SDK1: variants seen among roughly 807,000 people sequenced by gnomAD.
The protein encoded by SDK1 is protein sidekick-1.
Under a neutral mutation model 245.5 loss-of-function variants are expected in SDK1, and 157 were observed. The ratio of observed to expected loss-of-function variants is 0.64; its 90% CI spans 0.56 to 0.73. The LOEUF is 0.73. SDK1 is among the 30% of genes least tolerant of loss of function. The pLI is 0.00. For missense variants in SDK1, 3,583 were observed against 3,002.3 expected (o/e 1.19, Z -4.52); for synonymous variants, 1,647 against 1,278.5 (o/e 1.29, Z -6.15).
chr7:3,578,877 A>G (rs1181625392), intron 1 of SDK1, among the ~76,000 whole-genome samples: 1 of 151,892 alleles, frequency 6.6e-6, no homozygotes, highest in African/African-American at 2.4e-5. Flanking sequence ...CAATCATTTT[A>G]TACAGTTAAC....
At position 4,074,916 on chromosome 7, in the gene SDK1, A is replaced by ATATATAT. The variant is rs1434239449; in HGVS notation, c.3011-2081_3011-2080insATATATT. Among the ~76,000 whole-genome samples, 5 of 64,604 alleles carry ATATATAT rather than the reference A, an allele frequency of 7.7e-5. 1 individual carries two copies. Among genetic ancestry groups the ATATATAT allele is most frequent in the South Asian group, 5.9e-4 (1 of 1,686 alleles). The allele number at this position is 64,604 out of a possible 152,430, so 42.4% of individuals were successfully genotyped here. A position where few individuals can be genotyped will look rare whatever the true frequency, so the allele number is the denominator to read the frequency against. ...TATATATATATATATATATATATAT[A>ATATATAT]TTTTTTTTTTTTTTTAATAAAGTTA... On this transcript the variant is annotated intron_variant, in intron 20 of 44. Coordinates refer to ENST00000404826, the MANE Select transcript of SDK1 (RefSeq NM_152744.4).
intron 1 of SDK1, among the ~76,000 whole-genome samples, chr7:3,306,559 C>T (rs956952516): frequency 2.6e-5 from 4 of 152,150 alleles, no homozygotes; most frequent in African/African-American, 9.7e-5. Flanking sequence ...TTTATGTAAA[C>T]AGTTAAGTTT....
intron 1 of SDK1, among the ~76,000 whole-genome samples, chr7:3,473,033 CCAT>C (rs1781232789): frequency 6.6e-6 from 1 of 152,174 alleles, no homozygotes; most frequent in Admixed American, 6.5e-5. Context: ...TCTTCTTCCG[CCAT>C]CATCATCAGC....
At chr7:3,626,383 A>C (rs1782122210) in intron 2 of SDK1, among the ~76,000 whole-genome samples, 1 of 152,248 alleles carries the variant, frequency 6.6e-6, no homozygotes, top group Non-Finnish European at 1.5e-5. Flanking sequence ...TCTAACAAGG[A>C]CTTTATTCAA....
At chr7:3,568,537 C>T (rs1320107924) in intron 1 of SDK1, among the ~76,000 whole-genome samples, 2 of 152,164 alleles carry the variant, frequency 1.3e-5, no homozygotes, top group East Asian at 1.9e-4. Context: ...TCCCTCCTTC[C>T]CCCTTGGTAT....
intron 4 of SDK1, among the ~76,000 whole-genome samples, chr7:3,680,277 G>A (rs755885925): frequency 9.2e-5 from 14 of 152,160 alleles, no homozygotes; most frequent in Non-Finnish European, 1.3e-4. Context: ...ATTAATGGTC[G>A]CAGGGAGTTA....
At chr7:4,177,189 C>G (rs79626101) in intron 34 of SDK1, among the ~76,000 whole-genome samples, 1 of 152,276 alleles carries the variant, frequency 6.6e-6, no homozygotes, top group East Asian at 1.9e-4. Context: ...CGTCCAAGGA[C>G]GGGCGCCTGA....
intron 20 of SDK1, among the ~76,000 whole-genome samples, chr7:4,071,888 A>T (rs1230109227): frequency 1.3e-5 from 2 of 152,212 alleles, no homozygotes; most frequent in Non-Finnish European, 2.9e-5. Flanking sequence ...TCCTTGGTAG[A>T]TGTGTGTACA....
intron 1 of SDK1, among the ~76,000 whole-genome samples, chr7:3,561,570 G>A (rs1041269517): frequency 6.6e-6 from 1 of 152,138 alleles, no homozygotes; most frequent in African/African-American, 2.4e-5. Flanking sequence ...TGGTAGTTAC[G>A]GGTCAGGTGT....
At position 3,558,345 on chromosome 7, in the gene SDK1, C is replaced by A. The variant is rs552220345; in HGVS notation, c.299-60735C>A. Among the ~76,000 whole-genome samples the A allele has an allele frequency of 6.6e-5, 10 of 152,338 alleles. No homozygotes were observed. The South Asian group carries it at 2.1e-3, about 32-fold the overall frequency. The stretch of plus-strand genomic sequence containing the variant: ...TTATTTCCATCTCATACTTTCTTCT[C>A]CCTGGATTTTGGCACATACTGCCTG... On this transcript the variant is annotated intron_variant, in intron 1 of 44. Coordinates refer to ENST00000404826, the MANE Select transcript of SDK1 (RefSeq NM_152744.4).
intron 1 of SDK1, among the ~76,000 whole-genome samples, chr7:3,568,363 C>CT (rs1420543902): frequency 6.6e-6 from 1 of 152,152 alleles, no homozygotes; most frequent in Non-Finnish European, 1.5e-5. Context: ...TCCCACTGCT[C>CT]TTTTTCCCTC....
At chr7:3,772,664 A>C (rs1181940533) in intron 4 of SDK1, among the ~76,000 whole-genome samples, 1 of 152,182 alleles carries the variant, frequency 6.6e-6, no homozygotes, top group Non-Finnish European at 1.5e-5. Context: ...ACCTTTACTG[A>C]AATCTTTATT....
chr7:3,951,958 C>T (rs1489118742), intron 7 of SDK1, 38 bp downstream of exon 7: 1 of 1,562,324 alleles, frequency 6.4e-7, no homozygotes, highest in Non-Finnish European at 8.7e-7. Flanking sequence ...GCCAGCATCT[C>T]AGATAGCATC....
chr7:4,050,358 C>G (rs1789359202), intron 18 of SDK1, among the ~76,000 whole-genome samples: 1 of 152,176 alleles, frequency 6.6e-6, no homozygotes, highest in South Asian at 2.1e-4. Flanking sequence ...CAGAAGTATC[C>G]AAAGCCAGAA....
intron 5 of SDK1, among the ~76,000 whole-genome samples, chr7:3,826,152 A>G (rs568568915): frequency 1.2e-4 from 19 of 152,330 alleles, no homozygotes; most frequent in African/African-American, 3.8e-4. Context: ...AGTCTAGGCC[A>G]TGGTCCCTAA....
rs981320763 is a variant in SDK1, at chr7:4,265,379, G to C, written c.6637G>C (p.Val2213Leu). 5 of 1,436,074 alleles carry C rather than the reference G, an allele frequency of 3.5e-6. No individual in the cohort carries two copies. The highest frequency in any genetic ancestry group is 4.5e-6 in the Non-Finnish European group (5 of 1,106,734). The allele number at this position is 1,436,074 out of a possible 1,614,324, so 89.0% of individuals were successfully genotyped here. ...TCCGCTCACCGGCTTCTCCTCCTTC[G>C]TGTGAGCAAAGCGCCGCGCCTCCCT... ...RTPLTGFSSF[V>L] Residue 2213 changes from valine to leucine, a missense_variant, in exon 45 of 45, where the codon GTG (valine) becomes CTG (leucine). Val to Leu is a conservative substitution (Grantham distance 32). Transcript: ENST00000404826.
chr7:3,463,416 G>A (rs1001635417), intron 1 of SDK1, among the ~76,000 whole-genome samples: 5 of 152,234 alleles, frequency 3.3e-5, no homozygotes, highest in East Asian at 3.9e-4. Flanking sequence ...CACTTAACAC[G>A]TTCTTTTTGT....
intron 20 of SDK1, among the ~76,000 whole-genome samples, chr7:4,068,241 A>G (rs897846833): frequency 3.5e-4 from 54 of 152,204 alleles, no homozygotes; most frequent in African/African-American, 1.3e-3. Context: ...GTTATGACAC[A>G]TTTGTTCACA....
In SDK1 at chr7:3,460,926, C is replaced by CAG. The variant is rs766792858; in HGVS notation, c.299-158150_299-158149dup. ...TAAATAGCAACCTTTTTATCTTTGA[C>CAG]AGAGACACGTTTCTTACATTATAAA... On this transcript the variant is annotated intron_variant, in intron 1 of 44. Transcript: ENST00000404826. 3.3e-5 allele frequency among the ~76,000 whole-genome samples: 5 copies of CAG among 152,286 alleles called. 1 individual carries two copies. Among genetic ancestry groups the CAG allele is most frequent in the African/African-American group, 1.2e-4 (5 of 41,570 alleles).
Sources: gnomAD v4.1 joint callset for allele counts (sites outside exome capture counted in the v4.1 genomes callset) on GRCh38, gnomAD v4.1.1 for gene constraint, MANE v1.5 for transcripts, NCBI Gene and HGNC (gene_info 2026-07-23, HGNC 2026-07-21) for gene names.